The following PRKCB variants were observed in gnomAD, a reference collection of about 807,000 sequenced individuals.
PRKCB encodes protein kinase C beta type.
In PRKCB, 13 loss-of-function variants were observed where a neutral mutation model predicts 81.5. That is an observed-to-expected ratio of 0.16 (90% CI 0.10 to 0.25). The LOEUF (loss-of-function observed/expected upper bound fraction) is 0.25, where lower values mean the gene tolerates loss of function less well. Among genes scored for constraint, PRKCB ranks in the 10% least tolerant of loss-of-function variants. PRKCB has a pLI of 1.00. For synonymous variants in PRKCB, 335 were observed against 321.4 expected (o/e 1.04, Z -0.45); for missense variants, 509 against 875.7 (o/e 0.58, Z 5.29).
intron 2 of PRKCB, among the ~76,000 whole-genome samples, chr16:23,967,309 C>G (rs1199726642): frequency 6.6e-6 from 1 of 152,154 alleles, no homozygotes; most frequent in Non-Finnish European, 1.5e-5. Context: ...GTTCCCAGCC[C>G]CCTGACAGCA....
intron 2 of PRKCB, among the ~76,000 whole-genome samples, chr16:23,882,572 G>A (rs11647359): frequency 0.97 from 147,226 of 152,318 alleles, 71,187 homozygotes; most frequent in East Asian, 1. Flanking sequence ...AATGCCCTCA[G>A]AGTTCATTCA....
intron 2 of PRKCB, among the ~76,000 whole-genome samples, chr16:23,985,250 C>T (rs769481941): frequency 8.5e-5 from 13 of 152,084 alleles, no homozygotes; most frequent in Non-Finnish European, 1.3e-4. Context: ...CCTACCACCA[C>T]GCCCAGCTAA....
intron 2 of PRKCB, among the ~76,000 whole-genome samples, chr16:23,950,380 C>G (rs1964265141): frequency 6.6e-6 from 1 of 152,156 alleles, no homozygotes; most frequent in Non-Finnish European, 1.5e-5. Flanking sequence ...CTAGTCCCAA[C>G]CCATTGTCAG....
At chr16:24,147,177 G>A (rs1346440213) in intron 9 of PRKCB, among the ~76,000 whole-genome samples, 1 of 151,728 alleles carries the variant, frequency 6.6e-6, no homozygotes, top group Non-Finnish European at 1.5e-5. Context: ...GCATCGTGGC[G>A]GGCGCCTGTA....
intron 2 of PRKCB, among the ~76,000 whole-genome samples, chr16:23,848,018 G>T (rs1026053920): frequency 6.6e-6 from 1 of 152,204 alleles, no homozygotes; most frequent in Admixed American, 6.5e-5. Flanking sequence ...TTGACAAGGG[G>T]ATGAGGGCAG....
chr16:24,048,790 C>A (rs1965798565), intron 5 of PRKCB, among the ~76,000 whole-genome samples: 2 of 152,090 alleles, frequency 1.3e-5, no homozygotes, highest in Non-Finnish European at 2.9e-5. Flanking sequence ...CCACAGCCAC[C>A]TTTTCTAAAA....
At chr16:24,208,412 G>C (rs546915853) in intron 16 of PRKCB, 1 of 152,188 alleles carries the variant, frequency 6.6e-6, no homozygotes, top group Non-Finnish European at 1.5e-5. Context: ...AAGAGCTTAC[G>C]TGTAACAGGT....
chr16:24,122,461 T>G (rs1029627048), intron 8 of PRKCB, among the ~76,000 whole-genome samples: 1 of 146,454 alleles, frequency 6.8e-6, no homozygotes, highest in Non-Finnish European at 1.5e-5. Flanking sequence ...TTTTTTTTTT[T>G]TTTTTTTAGT....
intron 2 of PRKCB, among the ~76,000 whole-genome samples, chr16:23,913,489 T>G (rs1026547350): frequency 6.6e-6 from 1 of 152,188 alleles, no homozygotes; most frequent in East Asian, 1.9e-4. Flanking sequence ...AAGGCAGACC[T>G]GGAGCTCTGA....
intron 7 of PRKCB, among the ~76,000 whole-genome samples, chr16:24,106,391 A>G (rs1173420675): frequency 1.3e-5 from 2 of 152,184 alleles, no homozygotes; most frequent in Non-Finnish European, 2.9e-5. Flanking sequence ...GAAATTGGAG[A>G]ATTTCAGAGA....
intron 5 of PRKCB, among the ~76,000 whole-genome samples, chr16:24,084,272 A>T (rs894210944): frequency 2.0e-5 from 3 of 152,194 alleles, no homozygotes; most frequent in Admixed American, 6.5e-5. Context: ...TCTATACTGT[A>T]TTCAAAGTAG....
chr16:24,180,733 G>A, intron 12 of PRKCB, 57 bp from the exon 13 acceptor site: 1 of 1,581,082 alleles, frequency 6.3e-7, no homozygotes, highest in Non-Finnish European at 8.6e-7. Context: ...GTGGCTGTTG[G>A]TTGGCTTGAA....
chr16:23,957,589 T>A (rs1596487005), intron 2 of PRKCB, among the ~76,000 whole-genome samples: 1 of 152,292 alleles, frequency 6.6e-6, no homozygotes, highest in East Asian at 1.9e-4. Context: ...TCTGCCTTTT[T>A]TGCCCCCTTG....
intron 2 of PRKCB, among the ~76,000 whole-genome samples, chr16:23,922,525 T>A (rs1963840812): frequency 6.6e-6 from 1 of 152,254 alleles, no homozygotes; most frequent in South Asian, 2.1e-4. Context: ...CAAATGTTAT[T>A]TAGCAGAGCT....
At position 24,126,676 on chromosome 16, in the gene PRKCB, C is replaced by T. The variant is rs928190803; in HGVS notation, c.1065+2695C>T. On this transcript the variant is annotated intron_variant, in intron 9 of 16. Coordinates refer to ENST00000643927, the MANE Select transcript of PRKCB (RefSeq NM_002738.7). ...CTACCTCCAGGGTTCAAGTGATTCT[C>T]CTGCCTCAGTCTCGCGCTCGGCTAA... Among the ~76,000 whole-genome samples the T allele has an allele frequency of 7.2e-5, 11 of 152,014 alleles. No individual in the cohort carries two copies. In the East Asian group the frequency reaches 1.2e-3, roughly 16 times the overall value.
intron 2 of PRKCB, among the ~76,000 whole-genome samples, chr16:23,838,161 T>C (rs2023670): frequency 0.95 from 145,197 of 152,274 alleles, 69,259 homozygotes; most frequent in East Asian, 1. Flanking sequence ...GACCAAAAGT[T>C]ACCCGCAGCT....
At chr16:23,887,944 A>G (rs998990653) in intron 2 of PRKCB, among the ~76,000 whole-genome samples, 1 of 152,148 alleles carries the variant, frequency 6.6e-6, no homozygotes, top group Non-Finnish European at 1.5e-5. Context: ...TGGCAGCTGT[A>G]TGGTCCTGGC....
chr16:23,919,730 A>G (rs1181547087), intron 2 of PRKCB, among the ~76,000 whole-genome samples: 1 of 152,130 alleles, frequency 6.6e-6, no homozygotes, highest in Non-Finnish European at 1.5e-5. Context: ...TGAATACTAT[A>G]GGTATCTCAT....
At chr16:24,197,122 C>T (rs749365391) in intron 16 of PRKCB, among the ~76,000 whole-genome samples, 14 of 152,086 alleles carry the variant, frequency 9.2e-5, no homozygotes, top group Non-Finnish European at 1.8e-4. Flanking sequence ...AAACATAGCA[C>T]TAAAAATAAT....
Sources: allele counts gnomAD v4.1 joint callset (sites outside exome capture counted in the v4.1 genomes callset), GRCh38; gene constraint gnomAD v4.1.1; transcripts MANE v1.5; gene names NCBI Gene and HGNC (gene_info 2026-07-23, HGNC 2026-07-21).